NCAPD3: variants seen among roughly 807,000 people sequenced by gnomAD.
NCAPD3 encodes the protein non-SMC condensin II complex subunit D3, also known as condensin-2 complex subunit D3.
NCAPD3 carries 105 observed loss-of-function variants against 182.9 expected under a neutral mutation model. The observed-to-expected ratio is 0.57, with a 90% CI of 0.49 to 0.68. NCAPD3 has a LOEUF of 0.68. NCAPD3 is among the 30% of genes least tolerant of loss of function. NCAPD3 has a pLI of 0.00. For synonymous variants in NCAPD3, 815 were observed against 679.9 expected (o/e 1.20, Z -3.09); for missense variants, 1,944 against 1,837.0 (o/e 1.06, Z -1.07).
At chr11:134,223,269 C>G (rs888754799) in intron 1 of NCAPD3, 1 of 594,550 alleles carries the variant, frequency 1.7e-6, no homozygotes, top group Non-Finnish European at 3.0e-6. Flanking sequence ...TGCAATTGCT[C>G]GAGGCTATGA....
chr11:134,186,257 T>TA (rs950175170), intron 16 of NCAPD3: 1 of 152,218 alleles, frequency 6.6e-6, no homozygotes, highest in African/African-American at 2.4e-5. Context: ...ATCACAGTAG[T>TA]ATGATCACAG....
chr11:134,172,858 A>G (rs1041914651), intron 24 of NCAPD3, among the ~76,000 whole-genome samples: 2 of 152,064 alleles, frequency 1.3e-5, no homozygotes, highest in Non-Finnish European at 2.9e-5. Flanking sequence ...CTAATGCTAC[A>G]AAAAATAAAA....
At chr11:134,158,274 C>A in intron 30 of NCAPD3, 55 bp downstream of exon 30, 1 of 1,605,130 alleles carries the variant, frequency 6.2e-7, no homozygotes, top group South Asian at 1.1e-5. Flanking sequence ...AGGGACGCCT[C>A]TGAGAACATC....
intron 27 of NCAPD3, 48 bp from the exon 28 acceptor site, chr11:134,161,939 G>C (rs1385446927): frequency 2.2e-6 from 2 of 924,646 alleles, no homozygotes; most frequent in East Asian, 2.7e-5. Context: ...ACTTCTGAAA[G>C]ACAGGCCTCT....
chr11:134,153,116 C>G lies in NCAPD3; in HGVS notation c.4388+24G>C, dbSNP rs372256466. ...AAAACCCTGACAGAAACATCCACCTCAAAAGGAACACTGCTAAACTTACGG... is the reference window on the plus strand; with the variant it reads ...AAAACCCTGACAGAAACATCCACCTGAAAAGGAACACTGCTAAACTTACGG... On this transcript the variant is annotated intron_variant, in intron 34 of 34. Transcript: ENST00000534548. 1.2e-4 allele frequency: 192 copies of G among 1,613,436 alleles called. 2 individuals are homozygous for G. The Middle Eastern group carries it at 2.0e-3, about 17-fold the overall frequency.
At chr11:134,180,937 C>A in intron 20 of NCAPD3, 140 bp downstream of exon 20, 1 of 608,046 alleles carries the variant, frequency 1.6e-6, no homozygotes. Context: ...AAAATATCTT[C>A]TAAAAAGAGA....
intron 19 of NCAPD3, among the ~76,000 whole-genome samples, chr11:134,181,835 G>A (rs1035785726): frequency 1.6e-4 from 24 of 152,190 alleles, no homozygotes; most frequent in African/African-American, 5.1e-4. Context: ...CATGTTACCC[G>A]ATGCCGACTT....
chr11:134,162,821 C>A (rs1403822256), intron 27 of NCAPD3, among the ~76,000 whole-genome samples: 1 of 152,210 alleles, frequency 6.6e-6, no homozygotes, highest in Non-Finnish European at 1.5e-5. Context: ...AGCTAAGCAT[C>A]CCTGCCCTCC....
intron 27 of NCAPD3, 110 bp downstream of exon 27, chr11:134,167,886 C>A (rs549844940): frequency 9.7e-7 from 1 of 1,036,232 alleles, no homozygotes; most frequent in South Asian, 1.5e-5. Context: ...GGGGGAGGTG[C>A]ACACTCACTT....
Position 134,156,982 on chromosome 11 carries a change from TGAG to T in NCAPD3, c.4252+33_4252+35del, listed in dbSNP as rs542479075. ...AACACATCACGAATGCAGGAGAGACTGAGGAGAAGCCCACGTGTTCCGATCAGT... is the reference window on the plus strand; with the variant it reads ...AACACATCACGAATGCAGGAGAGACTGAGAAGCCCACGTGTTCCGATCAGT... On this transcript the variant is annotated intron_variant, in intron 32 of 34. Coordinates refer to ENST00000534548, the MANE Select transcript of NCAPD3 (RefSeq NM_015261.3). The T allele has an allele frequency of 8.1e-5, 125 of 1,547,688 alleles. 3 individuals are homozygous for T. The Admixed American group carries it at 1.7e-3, about 20-fold the overall frequency.
chr11:134,201,316 C>T (rs1403180231), intron 13 of NCAPD3, among the ~76,000 whole-genome samples: 3 of 152,180 alleles, frequency 2.0e-5, no homozygotes, highest in South Asian at 2.1e-4. Context: ...TGAGCCACCA[C>T]GCCTGGCCCA....
intron 30 of NCAPD3, 100 bp downstream of exon 30, chr11:134,158,229 T>C (rs1943481426): frequency 2.5e-5 from 38 of 1,547,022 alleles, no homozygotes; most frequent in Non-Finnish European, 3.2e-5. Context: ...GGCCAGACAA[T>C]GACAATGACT....
chr11:134,181,319 C>A, intron 19 of NCAPD3, 135 bp from the exon 20 acceptor site: 1 of 604,364 alleles, frequency 1.7e-6, no homozygotes, highest in East Asian at 2.8e-5. Context: ...TTCCTCTTTC[C>A]CACAATTTGT....
At chr11:134,188,062 G>A (rs994872849) in intron 16 of NCAPD3, among the ~76,000 whole-genome samples, 4 of 152,162 alleles carry the variant, frequency 2.6e-5, no homozygotes, top group African/African-American at 9.7e-5. Flanking sequence ...GACTTCCTGG[G>A]TCAAGTGGGG....
At chr11:134,196,985 T>A (rs961675866) in intron 13 of NCAPD3, among the ~76,000 whole-genome samples, 1 of 151,790 alleles carries the variant, frequency 6.6e-6, no homozygotes, top group Non-Finnish European at 1.5e-5. Flanking sequence ...CTGGTAGGGG[T>A]GTTTGGATCA....
chr11:134,150,951 C>T lies in NCAPD3; in HGVS notation c.*1993G>A, dbSNP rs944155738. The stretch of plus-strand genomic sequence containing the variant: ...CTAATTTTGACTTTAAATTTTTCAT[C>T]CGCCGGAGACACTGCTCCCATTTGT... On this transcript the variant is annotated 3_prime_UTR_variant, in exon 35 of 35. Coordinates refer to ENST00000534548, the MANE Select transcript of NCAPD3 (RefSeq NM_015261.3). The T allele has an allele frequency of 2.0e-5, 3 of 152,170 alleles. No homozygotes were observed. Among genetic ancestry groups the T allele is most frequent in the African/African-American group, 2.4e-5 (1 of 41,438 alleles). 9.4% of individuals were successfully genotyped at this position (152,170 alleles called of 1,614,324 possible).
At chr11:134,189,611 CTAT>C (rs2135992340) in intron 16 of NCAPD3, among the ~76,000 whole-genome samples, 1 of 152,108 alleles carries the variant, frequency 6.6e-6, no homozygotes, top group East Asian at 1.9e-4. Context: ...GAACATTATC[CTAT>C]TAATACAGAA....
rs1040296540 is a variant in NCAPD3, at chr11:134,150,735, A to G, written c.*2209T>C. On this transcript the variant is annotated 3_prime_UTR_variant, in exon 35 of 35. Transcript: ENST00000534548. ...GTCTGTCAAGTACAATAACATTTTT[A>G]AAAGAAAATGGATCCCACTGTTCCT... The G allele has an allele frequency of 2.6e-5, 4 of 152,070 alleles. No homozygotes were observed. The highest frequency in any genetic ancestry group is 9.7e-5 in the African/African-American group (4 of 41,388). The allele number at this position is 152,070 out of a possible 1,614,324, so 9.4% of individuals were successfully genotyped here.
rs143261926 is a variant in NCAPD3, at chr11:134,216,890, G to A, written c.382+46C>T. On this transcript the variant is annotated intron_variant, in intron 3 of 34. Coordinates refer to ENST00000534548, the MANE Select transcript of NCAPD3 (RefSeq NM_015261.3). ...GTATAAGAATTGAAAACTGTAGAAA[G>A]AAAAAAATGACAGAAGATTTATCCT... The A allele has an allele frequency of 1.9e-4, 294 of 1,532,156 alleles. No individual in the cohort carries two copies. The African/African-American group carries it at 3.8e-3, about 20-fold the overall frequency. 94.9% of individuals were successfully genotyped at this position (1,532,156 alleles called of 1,614,324 possible). A position where few individuals can be genotyped will look rare whatever the true frequency, so the allele number is the denominator to read the frequency against.
Sources: allele counts gnomAD v4.1 joint callset (sites outside exome capture counted in the v4.1 genomes callset), GRCh38; gene constraint gnomAD v4.1.1; transcripts MANE v1.5; gene names NCBI Gene and HGNC (gene_info 2026-07-23, HGNC 2026-07-21).